Variants in MYT1L observed in about 807,000 individuals in gnomAD.
The protein encoded by MYT1L is myelin transcription factor 1-like protein.
MYT1L carries 12 observed loss-of-function variants against 126.7 expected under a neutral mutation model. The observed-to-expected ratio is 0.09, with a 90% CI of 0.06 to 0.15. The LOEUF (loss-of-function observed/expected upper bound fraction) is 0.15, where lower values mean the gene tolerates loss of function less well. MYT1L is among the 10% of genes least tolerant of loss of function. The pLI is 1.00. For missense variants in MYT1L, 979 were observed against 1,585.2 expected, an observed-to-expected ratio of 0.62 and a Z score of 6.49; for synonymous variants, 541 against 604.2, an observed-to-expected ratio of 0.90 and a Z score of 1.53.
intron 9 of MYT1L, among the ~76,000 whole-genome samples, chr2:1,931,916 G>T (rs543752190): frequency 1.8e-4 from 28 of 152,260 alleles, no homozygotes; most frequent in African/African-American, 6.3e-4. Context: ...TCAGTGCAGG[G>T]CTCAGGGAAC....
intron 2 of MYT1L, among the ~76,000 whole-genome samples, chr2:2,207,861 G>A (rs1008487263): frequency 5.9e-5 from 9 of 152,090 alleles, no homozygotes; most frequent in Admixed American, 3.9e-4. Flanking sequence ...TGATGCCATC[G>A]AAGCACCTAC....
intron 2 of MYT1L, among the ~76,000 whole-genome samples, chr2:2,251,516 T>C (rs2094649498): frequency 6.6e-6 from 1 of 152,148 alleles, no homozygotes; most frequent in African/African-American, 2.4e-5. Context: ...AGCTGACTTG[T>C]ACCCTCACAC....
At chr2:2,124,886 T>C (rs1019610436) in intron 3 of MYT1L, among the ~76,000 whole-genome samples, 2 of 152,204 alleles carry the variant, frequency 1.3e-5, no homozygotes, top group Admixed American at 6.5e-5. Flanking sequence ...AGGTCGGTGC[T>C]GGCCTCTCCC....
intron 1 of MYT1L, among the ~76,000 whole-genome samples, chr2:2,290,052 C>T (rs1048466528): frequency 6.6e-6 from 1 of 152,212 alleles, no homozygotes; most frequent in Non-Finnish European, 1.5e-5. Flanking sequence ...CTGACACTGG[C>T]CTTGGCAACT....
At chr2:2,081,511 T>A (rs1441416874) in intron 3 of MYT1L, among the ~76,000 whole-genome samples, 1 of 152,212 alleles carries the variant, frequency 6.6e-6, no homozygotes, top group Non-Finnish European at 1.5e-5. Flanking sequence ...TAAATTAATA[T>A]ACTCTATTCT....
intron 21 of MYT1L, among the ~76,000 whole-genome samples, chr2:1,830,592 G>A (rs989143904): frequency 6.8e-6 from 1 of 146,646 alleles, no homozygotes; most frequent in Non-Finnish European, 1.6e-5. Flanking sequence ...CACCTGGAAG[G>A]GCTCACAGGG....
At position 1,922,660 on chromosome 2, in the gene MYT1L, C is replaced by A; in HGVS notation, c.1109G>T (p.Arg370Met). The A allele has an allele frequency of 6.2e-7, 1 of 1,613,872 alleles. No individual in the cohort carries two copies. The highest frequency in any genetic ancestry group is 8.5e-7 in the Non-Finnish European group (1 of 1,179,850). ...HVRPEEDFPGRTPDRNYSDML... is the reference protein window; with the variant it reads ...HVRPEEDFPGMTPDRNYSDML... ...GTCCGAGTAGTTTCTGTCCGGCGTC[C>A]TTCCGGGGAAGTCCTCTTCTGGCCG... is the stretch of plus-strand genomic sequence containing the variant. The change falls in exon 10 of 25, where the codon AGG becomes ATG. Residue 370 changes from arginine to methionine, a missense_variant. Around this residue, in one of 12 missense-constraint regions of MYT1L, gnomAD observed 243 missense variants for 363.9 expected, o/e 0.67. Transcript: ENST00000647738. This position sits in a 1 kb window ranked among gnomAD's most constrained non-coding sequence, Gnocchi z 7.4.
intron 2 of MYT1L, among the ~76,000 whole-genome samples, chr2:2,183,632 G>C (rs1310790592): frequency 6.6e-6 from 1 of 152,138 alleles, no homozygotes; most frequent in African/African-American, 2.4e-5. Flanking sequence ...ATTCTTCATA[G>C]TTGCAGCTCT....
chr2:2,159,069 A>G (rs1156833423), intron 3 of MYT1L, among the ~76,000 whole-genome samples: 1 of 152,154 alleles, frequency 6.6e-6, no homozygotes, highest in Non-Finnish European at 1.5e-5. Flanking sequence ...ACCTGCCCAC[A>G]TCTCACTTCC....
At chr2:2,259,418 A>AG (rs2094903660) in intron 2 of MYT1L, among the ~76,000 whole-genome samples, 1 of 151,814 alleles carries the variant, frequency 6.6e-6, no homozygotes, top group Non-Finnish European at 1.5e-5. Flanking sequence ...TTAAAAAAAA[A>AG]AATGGAACTA....
chr2:1,880,334 G>A (rs934251016), intron 18 of MYT1L, among the ~76,000 whole-genome samples: 2 of 152,160 alleles, frequency 1.3e-5, no homozygotes, highest in Non-Finnish European at 2.9e-5. Flanking sequence ...GATGGAGAAA[G>A]CTCTTTTTAT....
chr2:2,048,209 A>G (rs913035558), intron 4 of MYT1L, among the ~76,000 whole-genome samples: 4 of 152,200 alleles, frequency 2.6e-5, no homozygotes, highest in Non-Finnish European at 5.9e-5. Context: ...AGCCCACTCC[A>G]CGGTCTTCCA....
At chr2:2,049,214 T>G (rs1212159845) in intron 4 of MYT1L, among the ~76,000 whole-genome samples, 7 of 152,224 alleles carry the variant, frequency 4.6e-5, no homozygotes, top group African/African-American at 1.7e-4. Flanking sequence ...TAAAGTTATA[T>G]TAACGGCACT....
intron 8 of MYT1L, among the ~76,000 whole-genome samples, chr2:1,951,658 A>G (rs2057762480): frequency 2.0e-5 from 3 of 152,220 alleles, no homozygotes; most frequent in Admixed American, 2.0e-4. Context: ...TATTTACCTC[A>G]GCCTCAGTCT....
chr2:2,203,598 A>G (rs1381819730), intron 2 of MYT1L, among the ~76,000 whole-genome samples: 2 of 151,806 alleles, frequency 1.3e-5, no homozygotes, highest in Non-Finnish European at 2.9e-5. Context: ...CCACTGCTCA[A>G]TGAAATAAAA....
chr2:2,070,966 T>C (rs1185883740), intron 3 of MYT1L, among the ~76,000 whole-genome samples: 3 of 152,094 alleles, frequency 2.0e-5, no homozygotes, highest in Non-Finnish European at 2.9e-5. Context: ...AAGAATGAAG[T>C]GATACAAATA....
At chr2:1,895,611 T>C (rs1266927822) in intron 14 of MYT1L, among the ~76,000 whole-genome samples, 1 of 152,052 alleles carries the variant, frequency 6.6e-6, no homozygotes, top group East Asian at 1.9e-4. Context: ...AGTGGGGAAA[T>C]GGTACTGGGA....
chr2:1,929,255 G>A lies in MYT1L; in HGVS notation c.506-5992C>T, dbSNP rs2054629608. ...CCTCGGCGCCCCTCAGCTGCCGGCA[G>A]CACAGGACATGGCCTGGCTCCGGGA... On this transcript the variant is annotated intron_variant, in intron 9 of 24. Transcript: ENST00000647738. This position sits in a 1 kb window ranked among gnomAD's most constrained non-coding sequence, Gnocchi z 4.7. 6.6e-6 allele frequency among the ~76,000 whole-genome samples: 1 copy of A among 152,114 alleles called. No homozygotes were observed. The highest frequency in any genetic ancestry group is 6.5e-5 in the Admixed American group (1 of 15,268).
chr2:2,254,085 C>T (rs10201099), intron 2 of MYT1L, among the ~76,000 whole-genome samples: 18,292 of 152,158 alleles, frequency 0.12, 1,249 homozygotes, highest in Non-Finnish European at 0.16. Context: ...GTGGCCGTGG[C>T]GTTACTCACA....
Sources: gnomAD v4.1 joint callset for allele counts (sites outside exome capture counted in the v4.1 genomes callset) on GRCh38, gnomAD v4.1.1 for gene constraint, gnomAD v4.1.1 regional missense constraint, Gnocchi (gnomAD v3.1) non-coding constraint, MANE v1.5 for transcripts, NCBI Gene and HGNC (gene_info 2026-07-23, HGNC 2026-07-21) for gene names.